The following TECPR2 variants were observed in gnomAD, a reference collection of about 807,000 sequenced individuals.
TECPR2 encodes the protein tectonin beta-propeller repeat containing 2.
TECPR2 carries 65 observed loss-of-function variants against 138.1 expected under a neutral mutation model. The ratio of observed to expected loss-of-function variants is 0.47; its 90% CI spans 0.39 to 0.58. The LOEUF (loss-of-function observed/expected upper bound fraction) is 0.58. TECPR2 is among the 20% of genes least tolerant of loss of function. The pLI is 0.00. For synonymous variants in TECPR2, 746 were observed against 749.8 expected (o/e 0.99, Z 0.08); for missense variants, 1,553 against 1,824.5 (o/e 0.85, Z 2.71).
At chr14:102,397,468 T>A (rs1332801851) in intron 2 of TECPR2, among the ~76,000 whole-genome samples, 1 of 152,058 alleles carries the variant, frequency 6.6e-6, no homozygotes, top group East Asian at 1.9e-4. Context: ...GATGTGGCGC[T>A]GGGGGCGGTA....
At chr14:102,449,296 T>C (rs1445421533) in intron 13 of TECPR2, among the ~76,000 whole-genome samples, 1 of 152,174 alleles carries the variant, frequency 6.6e-6, no homozygotes, top group African/African-American at 2.4e-5. Flanking sequence ...AAAGTCTTCT[T>C]AGAAGGGGTG....
At chr14:102,496,746 T>C in intron 17 of TECPR2, 1 of 575,344 alleles carries the variant, frequency 1.7e-6, no homozygotes, top group East Asian at 3.1e-5. Flanking sequence ...CTGGAGTCCA[T>C]GCTGGTATCT....
rs1044593559 is a variant in TECPR2, at chr14:102,375,262, C to T, written c.-72-1388C>T. The stretch of plus-strand genomic sequence containing the variant: ...GTGGGAGGTGGAGGCAGGAGGTTCA[C>T]TTGAGCCCAGGAGTTTGAGGCGTCA... On this transcript the variant is annotated intron_variant, in intron 1 of 19. Transcript: ENST00000359520. Among the ~76,000 whole-genome samples the T allele has an allele frequency of 1.7e-4, 26 of 152,264 alleles. No homozygotes were observed. In the East Asian group the frequency reaches 4.2e-3, roughly 25 times the overall value.
At chr14:102,477,606 A>G (rs1435593185) in intron 17 of TECPR2, among the ~76,000 whole-genome samples, 1 of 145,680 alleles carries the variant, frequency 6.9e-6, no homozygotes, top group South Asian at 2.2e-4. Context: ...ACTGGGGTAC[A>G]GTGGTGCGAT....
At chr14:102,413,743 G>T (rs910236309) in intron 4 of TECPR2, among the ~76,000 whole-genome samples, 11 of 152,154 alleles carry the variant, frequency 7.2e-5, no homozygotes, top group African/African-American at 2.6e-4. Context: ...AATATGCTTT[G>T]TGTTAGCAGT....
intron 2 of TECPR2, among the ~76,000 whole-genome samples, chr14:102,394,324 T>C (rs1457368167): frequency 2.0e-5 from 3 of 152,014 alleles, no homozygotes; most frequent in Non-Finnish European, 4.4e-5. Context: ...GACAAATTAC[T>C]ACCAGGCACG....
chr14:102,442,426 C>A (rs1212439668), intron 11 of TECPR2, among the ~76,000 whole-genome samples: 1 of 152,272 alleles, frequency 6.6e-6, no homozygotes, highest in Admixed American at 6.5e-5. Flanking sequence ...TGGCCCAGGT[C>A]TCTCCAGCCT....
At chr14:102,429,224 T>TCACATTTAGTGAGACTC (rs1053158102) in intron 7 of TECPR2, among the ~76,000 whole-genome samples, 1 of 152,138 alleles carries the variant, frequency 6.6e-6, no homozygotes, top group African/African-American at 2.4e-5. Context: ...TCAGATAGTC[T>TCACATTTAGTGAGACTC]CACATTTAGT....
intron 1 of TECPR2, among the ~76,000 whole-genome samples, chr14:102,366,447 A>G (rs1248109344): frequency 6.6e-6 from 1 of 152,100 alleles, no homozygotes; most frequent in African/African-American, 2.4e-5. Flanking sequence ...CCCAGGTTCA[A>G]GTGATTCTCC....
chr14:102,415,170 T>G lies in TECPR2; in HGVS notation c.638+377T>G, dbSNP rs1230354124. Among the ~76,000 whole-genome samples the G allele has an allele frequency of 6.6e-6, 1 of 152,152 alleles. No homozygotes were observed. Among genetic ancestry groups the G allele is most frequent in the Non-Finnish European group, 1.5e-5 (1 of 68,020 alleles). ...GGGCTCACTCGTTATTCAGCACGTG[T>G]TTACCATGCACCCCTGTGCACTGTG... On this transcript the variant is annotated intron_variant, in intron 5 of 19. Transcript: ENST00000359520. The surrounding 1 kb of genome is among the most constrained non-coding windows in gnomAD (Gnocchi z 4.3).
chr14:102,498,456 T>G lies in TECPR2; in HGVS notation c.*199T>G. 1.4e-6 allele frequency: 1 copy of G among 717,498 alleles called. No homozygotes were observed. The highest frequency in any genetic ancestry group is 1.9e-5 in the South Asian group (1 of 52,728). 44.4% of individuals were successfully genotyped at this position (717,498 alleles called of 1,614,324 possible). ...CAGCCTCCACCCGTGGCTGGCGTGA[T>G]TGCTGCAGCAGTGGCGCCTCCTAGC... On this transcript the variant is annotated 3_prime_UTR_variant, in exon 20 of 20. Coordinates refer to ENST00000359520, the MANE Select transcript of TECPR2 (RefSeq NM_014844.5).
chr14:102,366,437 C>T (rs1210507957), intron 1 of TECPR2, among the ~76,000 whole-genome samples: 1 of 152,198 alleles, frequency 6.6e-6, no homozygotes, highest in Non-Finnish European at 1.5e-5. Flanking sequence ...GCCTCCACCT[C>T]CCAGGTTCAA....
intron 16 of TECPR2, among the ~76,000 whole-genome samples, chr14:102,456,791 G>A (rs1230404882): frequency 1.3e-5 from 2 of 151,642 alleles, no homozygotes; most frequent in African/African-American, 2.4e-5. Flanking sequence ...GGGTTTCACC[G>A]TGTTAGCCAG....
chr14:102,475,923 C>T (rs1425924448), intron 17 of TECPR2, among the ~76,000 whole-genome samples: 1 of 152,090 alleles, frequency 6.6e-6, no homozygotes, highest in Non-Finnish European at 1.5e-5. Flanking sequence ...TAGAAAAACT[C>T]CAGGCTAGGC....
chr14:102,424,584 T>C (rs1036432946), intron 5 of TECPR2, among the ~76,000 whole-genome samples: 1 of 152,358 alleles, frequency 6.6e-6, no homozygotes, highest in East Asian at 1.9e-4. Context: ...ATCTGCCGTC[T>C]TGGCCTCCCA....
chr14:102,488,840 A>C (rs1891096764), intron 17 of TECPR2, among the ~76,000 whole-genome samples: 2 of 151,894 alleles, frequency 1.3e-5, no homozygotes, highest in South Asian at 4.2e-4. Flanking sequence ...GTACATTTGC[A>C]ATGTTGTGCA....
intron 5 of TECPR2, among the ~76,000 whole-genome samples, chr14:102,421,782 T>A (rs781094756): frequency 1.3e-5 from 2 of 152,218 alleles, no homozygotes; most frequent in Non-Finnish European, 2.9e-5. Context: ...GGAGTTACTC[T>A]GCCTGGTTTA....
chr14:102,398,410 G>A (rs915348081), intron 2 of TECPR2, among the ~76,000 whole-genome samples: 4 of 152,166 alleles, frequency 2.6e-5, no homozygotes, highest in Non-Finnish European at 5.9e-5. Context: ...ATGAAAGGGG[G>A]AGAGAGATTA....
At chr14:102,408,372 T>C in intron 3 of TECPR2, 116 bp from the exon 4 acceptor site, 4 of 1,208,056 alleles carry the variant, frequency 3.3e-6, no homozygotes, top group Non-Finnish European at 4.5e-6. Context: ...GAAAACGAGA[T>C]TGGGAAAACC....
Sources: allele counts gnomAD v4.1 joint callset (sites outside exome capture counted in the v4.1 genomes callset), GRCh38; gene constraint gnomAD v4.1.1; non-coding constraint Gnocchi (gnomAD v3.1); transcripts MANE v1.5; gene names NCBI Gene and HGNC (gene_info 2026-07-23, HGNC 2026-07-21).